Variants in MYH9 observed in about 807,000 individuals in gnomAD.
MYH9 encodes myosin-9.
MYH9 carries 29 observed loss-of-function variants against 241.9 expected under a neutral mutation model. The observed-to-expected ratio is 0.12, with a 90% CI of 0.09 to 0.16. MYH9 has a LOEUF of 0.16. Among genes scored for constraint, MYH9 ranks in the 10% least tolerant of loss-of-function variants. MYH9 has a pLI of 1.00. For synonymous variants in MYH9, 1,047 were observed against 1,062.6 expected (o/e 0.99, Z 0.29); for missense variants, 1,803 against 2,595.5 (o/e 0.69, Z 6.63).
intron 1 of MYH9, among the ~76,000 whole-genome samples, chr22:36,353,121 G>T (rs150045297): frequency 4.8e-5 from 5 of 104,264 alleles, no homozygotes; most frequent in Non-Finnish European, 7.5e-5. Flanking sequence ...GTGTGTGTGT[G>T]TGTGTGTGTG....
chr22:36,296,026 C>A (rs2016782219), intron 25 of MYH9, among the ~76,000 whole-genome samples: 1 of 152,222 alleles, frequency 6.6e-6, no homozygotes, highest in Non-Finnish European at 1.5e-5. Flanking sequence ...CGCTACACCA[C>A]AGGACAACTG....
At chr22:36,340,167 A>G (rs2017561813) in intron 3 of MYH9, among the ~76,000 whole-genome samples, 1 of 151,552 alleles carries the variant, frequency 6.6e-6, no homozygotes. Context: ...CAGTGTTATT[A>G]GGCTAGTGCA....
chr22:36,373,502 C>T (rs994762793), intron 1 of MYH9, among the ~76,000 whole-genome samples: 9 of 152,216 alleles, frequency 5.9e-5, no homozygotes, highest in African/African-American at 2.2e-4. Flanking sequence ...TAAGCCTTCT[C>T]ACCACTACTG....
chr22:36,285,434 G>A lies in MYH9; in HGVS notation c.5275-105C>T, dbSNP rs1337046208. ...AGCAGGATCCCACCAAACCCTTGGG[G>A]TCCAGAGTCTTGGGTCTCCCAGAAA... On this transcript the variant is annotated intron_variant, in intron 37 of 40. Coordinates refer to ENST00000216181, the MANE Select transcript of MYH9 (RefSeq NM_002473.6). The surrounding 1 kb of genome is among the most constrained non-coding windows in gnomAD (Gnocchi z 7.0). 2.9e-6 allele frequency: 4 copies of A among 1,386,650 alleles called. No individual in the cohort carries two copies. 85.9% of individuals were successfully genotyped at this position (1,386,650 alleles called of 1,614,324 possible).
intron 5 of MYH9, among the ~76,000 whole-genome samples, chr22:36,322,801 C>T (rs2017276053): frequency 6.6e-6 from 1 of 152,370 alleles, no homozygotes; most frequent in South Asian, 2.1e-4. Context: ...CTCTAGGAAC[C>T]TGGCCCTGGA....
At chr22:36,298,852 C>T (rs975671965) in intron 24 of MYH9, 67 bp downstream of exon 24, 4 of 1,601,864 alleles carry the variant, frequency 2.5e-6, no homozygotes, top group East Asian at 2.2e-5. Context: ...TCAGACAGGC[C>T]GGCCCCTGAC....
At chr22:36,342,709 C>T (rs1363929298) in intron 2 of MYH9, among the ~76,000 whole-genome samples, 2 of 151,900 alleles carry the variant, frequency 1.3e-5, no homozygotes, top group Non-Finnish European at 2.9e-5. Context: ...AGTTGGGGAA[C>T]GCAACCCTCT....
Position 36,300,213 on chromosome 22 carries a change from G to C in MYH9, c.2890C>G (p.Leu964Val), listed in dbSNP as rs1305976278. ...TTCGCCTCGGTGGTCACCTTCTCCAGCTGCAGCTTCTGCCGGGCGCTCTCC... is the reference window on the plus strand; with the variant it reads ...TTCGCCTCGGTGGTCACCTTCTCCACCTGCAGCTTCTGCCGGGCGCTCTCC... ...EEESARQKLQ[L>V]EKVTTEAKLK... Residue 964 changes from leucine to valine, a missense_variant, in exon 23 of 41, where the codon CTG becomes GTG. Around this residue, in one of 11 missense-constraint regions of MYH9, gnomAD observed 290 missense variants for 360.5 expected, o/e 0.80. Transcript: ENST00000216181. This position sits in a 1 kb window ranked among gnomAD's most constrained non-coding sequence, Gnocchi z 5.0. The C allele has an allele frequency of 1.2e-6, 2 of 1,613,066 alleles. No individual in the cohort carries two copies. The highest frequency in any genetic ancestry group is 1.3e-5 in the African/African-American group (1 of 74,824).
intron 1 of MYH9, chr22:36,365,203 C>T (rs1025827988): frequency 6.6e-6 from 1 of 152,238 alleles, no homozygotes; most frequent in African/African-American, 2.4e-5. Context: ...ACACAGCCCA[C>T]TTCGAGGGTT....
At chr22:36,302,781 G>A in intron 19 of MYH9, 105 bp from the exon 20 acceptor site, 1 of 942,324 alleles carries the variant, frequency 1.1e-6, no homozygotes, top group Admixed American at 2.0e-5. Context: ...CCTTGCCTGG[G>A]GCACCTCAAG....
At position 36,288,845 on chromosome 22, in the gene MYH9, G is replaced by A; in HGVS notation, c.4652C>T (p.Thr1551Ile). 6.2e-7 allele frequency: 1 copy of A among 1,613,676 alleles called. No homozygotes were observed. The highest frequency in any genetic ancestry group is 1.1e-5 in the South Asian group (1 of 91,054). ...CTCCAACCGCAGCTTGGCATCTTCG[G>A]TGGCCTGCAGCTCGTCCTCCAGCTC... ...LEELEDELQATEDAKLRLEVN... is the reference protein window; with the variant it reads ...LEELEDELQAIEDAKLRLEVN... The change falls in exon 33 of 41, where the codon ACC (threonine) becomes ATC (isoleucine). Residue 1551 changes from threonine to isoleucine, a missense_variant. Physicochemically the swap from Thr to Ile is moderately conservative, Grantham distance 89. Around this residue, in one of 11 missense-constraint regions of MYH9, gnomAD observed 876 missense variants for 1,077.8 expected, o/e 0.81. Coordinates refer to ENST00000216181, the MANE Select transcript of MYH9 (RefSeq NM_002473.6). The surrounding 1 kb of genome is among the most constrained non-coding windows in gnomAD (Gnocchi z 4.8).
Position 36,281,504 on chromosome 22 carries a change from CT to C in MYH9, c.*1163del. 4.5e-5 allele frequency: 10 copies of C among 221,608 alleles called. No individual in the cohort carries two copies. The highest frequency in any genetic ancestry group is 7.1e-5 in the Non-Finnish European group (8 of 113,154). 13.7% of individuals were successfully genotyped at this position (221,608 alleles called of 1,614,324 possible). On this transcript the variant is annotated 3_prime_UTR_variant, in exon 41 of 41. Coordinates refer to ENST00000216181, the MANE Select transcript of MYH9 (RefSeq NM_002473.6). ...ACTTCATGATTTGAGAGTTTGTTTC[CT>C]TTAAAAAAAAAAAATGCCTTCTTGC...
rs1306419776 is a variant in MYH9, at chr22:36,329,106, C to G, written c.491-1618G>C. ...CAACACCAATGGCAGCTGCCCCTGC[C>G]CTGGGCCGCAGCTTCCTCCCAGCCC... On this transcript the variant is annotated intron_variant, in intron 3 of 40. Coordinates refer to ENST00000216181, the MANE Select transcript of MYH9 (RefSeq NM_002473.6). The surrounding 1 kb of genome is among the most constrained non-coding windows in gnomAD (Gnocchi z 4.1). Among the ~76,000 whole-genome samples, 1 of 152,190 alleles carries G rather than the reference C, an allele frequency of 6.6e-6. No homozygotes were observed. Among genetic ancestry groups the G allele is most frequent in the East Asian group, 1.9e-4 (1 of 5,196 alleles).
intron 10 of MYH9, among the ~76,000 whole-genome samples, chr22:36,318,625 C>A (rs1002685423): frequency 6.6e-6 from 1 of 152,198 alleles, no homozygotes; most frequent in Non-Finnish European, 1.5e-5. Flanking sequence ...CTGGAGGCCA[C>A]AGCGGCAGCA....
intron 1 of MYH9, among the ~76,000 whole-genome samples, chr22:36,356,016 G>A (rs545003821): frequency 5.9e-5 from 9 of 152,264 alleles, no homozygotes; most frequent in Admixed American, 2.0e-4. Flanking sequence ...AGTTCTCTGT[G>A]CCCAGTCTGC....
Position 36,306,585 on chromosome 22 carries a change from G to C in MYH9, c.1866C>G (p.Asp622Glu), listed in dbSNP as rs529696501. The change falls in exon 16 of 41, where the codon GAC becomes GAG. Residue 622 changes from aspartate (D) to glutamate (E), a missense_variant. Physicochemically the swap from Asp to Glu is conservative, Grantham distance 45 (BLOSUM62 2). Coordinates refer to ENST00000216181, the MANE Select transcript of MYH9 (RefSeq NM_002473.6). The surrounding 1 kb of genome is among the most constrained non-coding windows in gnomAD (Gnocchi z 4.1). The part of the protein sequence containing the change: ...WKDVDRIIGL[D>E]QVAGMSETAL... ...CGGTCTCCGACATGCCGGCCACCTGGTCCAGGCCGATGATGCGGTCCACTG... is the reference window on the plus strand; with the variant it reads ...CGGTCTCCGACATGCCGGCCACCTGCTCCAGGCCGATGATGCGGTCCACTG... 6.2e-7 allele frequency: 1 copy of C among 1,613,620 alleles called. No homozygotes were observed. The highest frequency in any genetic ancestry group is 1.7e-5 in the Admixed American group (1 of 60,012).
rs1603483929 is a variant in MYH9, at chr22:36,344,354, G to A, written c.334-2828C>T. 3.9e-5 allele frequency among the ~76,000 whole-genome samples: 6 copies of A among 152,238 alleles called. No homozygotes were observed. The South Asian group carries it at 1.0e-3, about 26-fold the overall frequency. On this transcript the variant is annotated intron_variant, in intron 2 of 40. Transcript: ENST00000216181. The stretch of plus-strand genomic sequence containing the variant: ...GCAGCTGTGGCTCAGAATTAGCCAC[G>A]CCACCCACAATGCTGGGCAAACAGG...
intron 1 of MYH9, among the ~76,000 whole-genome samples, chr22:36,363,662 G>A (rs1040580470): frequency 1.2e-4 from 19 of 152,178 alleles, no homozygotes; most frequent in Non-Finnish European, 2.2e-4. Context: ...TCAATAACAA[G>A]CTTTCTCTCA....
At chr22:36,338,496 T>C (rs978097737) in intron 3 of MYH9, among the ~76,000 whole-genome samples, 2 of 152,156 alleles carry the variant, frequency 1.3e-5, no homozygotes, top group African/African-American at 4.8e-5. Context: ...CTCACAAATG[T>C]ATTTCCTATC....
Sources: allele counts gnomAD v4.1 joint callset (sites outside exome capture counted in the v4.1 genomes callset), GRCh38; gene constraint gnomAD v4.1.1; regional missense constraint gnomAD v4.1.1; non-coding constraint Gnocchi (gnomAD v3.1); transcripts MANE v1.5; gene names NCBI Gene and HGNC (gene_info 2026-07-23, HGNC 2026-07-21).